Variants in ACSM4 observed in about 807,000 individuals in gnomAD.
The protein encoded by ACSM4 is acyl-CoA synthetase medium chain family member 4.
In ACSM4, 66 loss-of-function variants were observed where a neutral mutation model predicts 73.0. That is an observed-to-expected ratio of 0.90 (90% CI 0.74 to 1.11). The LOEUF is 1.11. Ranked by LOEUF, ACSM4 falls within the 50% of genes least tolerant of loss-of-function variation. ACSM4 has a pLI of 0.00. For missense variants in ACSM4, 645 were observed against 714.4 expected (o/e 0.90, Z 1.11); for synonymous variants, 222 against 254.0 (o/e 0.87, Z 1.20).
chr12:7,317,157 G>C lies in ACSM4; in HGVS notation c.641G>C (p.Ser214Thr), dbSNP rs201963466. Residue 214 changes from serine to threonine, a missense_variant, in exon 4 of 13, where the codon AGC becomes ACC. Ser to Thr is a moderately conservative substitution (Grantham distance 58, BLOSUM62 1). Transcript: ENST00000399422. ...ELFQFASEEH[S>T]CVETGSQEPM... The stretch of plus-strand genomic sequence containing the variant: ...TGCAGATTCGCCTCTGAAGAGCACA[G>C]CTGTGTGGAAACAGGAAGTCAAGAA... 7.8e-5 allele frequency: 126 copies of C among 1,612,924 alleles called. No homozygotes were observed. In the African/African-American group the frequency reaches 1.5e-3, roughly 19 times the overall value.
At chr12:7,325,374 C>T (rs1946496163) in intron 11 of ACSM4, among the ~76,000 whole-genome samples, 1 of 152,138 alleles carries the variant, frequency 6.6e-6, no homozygotes, top group African/African-American at 2.4e-5. Context: ...GGGCTGGGCA[C>T]GGTGGCTCAC....
intron 3 of ACSM4, among the ~76,000 whole-genome samples, chr12:7,314,586 AAGAT>A (rs1382313991): frequency 2.6e-5 from 4 of 151,994 alleles, no homozygotes; most frequent in African/African-American, 7.2e-5. Context: ...AGATAGATGA[AAGAT>A]AGGTAGGTAG....
chr12:7,323,246 G>A lies in ACSM4; in HGVS notation c.1138G>A (p.Ala380Thr). ...YGQTEVGMIC[A>T]NQKGQEIKPG... ...GTCCTCTCAATAGGGAATGATTTGT[G>A]CCAATCAGAAAGGCCAAGAAATTAA... The change falls in exon 8 of 13, where the codon GCC becomes ACC. Residue 380 changes from alanine (A) to threonine (T), a missense_variant. Transcript: ENST00000399422. 1 of 1,608,804 alleles carries A rather than the reference G, an allele frequency of 6.2e-7. No homozygotes were observed. The highest frequency in any genetic ancestry group is 8.5e-7 in the Non-Finnish European group (1 of 1,177,642).
At chr12:7,308,520 T>G (rs915729982) in intron 2 of ACSM4, among the ~76,000 whole-genome samples, 1 of 152,216 alleles carries the variant, frequency 6.6e-6, no homozygotes, top group African/African-American at 2.4e-5. Context: ...CTGAGATATA[T>G]GCTATCTGAA....
chr12:7,320,837 A>G, intron 6 of ACSM4, 33 bp downstream of exon 6: 3 of 1,523,962 alleles, frequency 2.0e-6, no homozygotes, highest in Non-Finnish European at 1.8e-6. Flanking sequence ...TTGAACCACA[A>G]ACAATAGCTA....
chr12:7,310,601 G>A lies in ACSM4; in HGVS notation c.475G>A (p.Ala159Thr), dbSNP rs1591842206. 1.9e-6 allele frequency: 3 copies of A among 1,612,806 alleles called. No individual in the cohort carries two copies. Among genetic ancestry groups the A allele is most frequent in the Non-Finnish European group, 2.5e-6 (3 of 1,179,556 alleles). The stretch of plus-strand genomic sequence containing the variant: ...AAAAGACATCCTCTACCGGCTGCGA[G>A]CATCCAAGGCCAAGTGCATTGTGGC... ...TAKDILYRLRASKAKCIVASE... is the reference protein window; with the variant it reads ...TAKDILYRLRTSKAKCIVASE... Residue 159 changes from alanine (A) to threonine (T), a missense_variant, in exon 3 of 13, where the codon GCA becomes ACA. Transcript: ENST00000399422.
At chr12:7,316,066 A>AAG (rs1946418765) in intron 3 of ACSM4, among the ~76,000 whole-genome samples, 1 of 152,202 alleles carries the variant, frequency 6.6e-6, no homozygotes, top group Non-Finnish European at 1.5e-5. Context: ...CCCAGATTCA[A>AAG]AGAGAGAGGA....
At chr12:7,315,924 T>C (rs1387384264) in intron 3 of ACSM4, among the ~76,000 whole-genome samples, 1 of 152,094 alleles carries the variant, frequency 6.6e-6, no homozygotes, top group Non-Finnish European at 1.5e-5. Context: ...AGTAGGACAG[T>C]CTAAACATCT....
In ACSM4 at chr12:7,309,008, G is replaced by A. The variant is rs80154275; in HGVS notation, c.413-1531G>A. Among the ~76,000 whole-genome samples the A allele has an allele frequency of 0.028, 4,292 of 152,236 alleles. 368 individuals carry two copies. In the East Asian group the frequency reaches 0.32, roughly 11 times the overall value. On this transcript the variant is annotated intron_variant, in intron 2 of 12. Coordinates refer to ENST00000399422, the MANE Select transcript of ACSM4 (RefSeq NM_001080454.2). ...TAATTTTAAGTGAGATACCAGGCAC[G>A]TAATAAGTGCTCAATAAACAGTAGT...
At position 7,310,526 on chromosome 12, in the gene ACSM4, C is replaced by T. The variant is rs113742037; in HGVS notation, c.413-13C>T. ...GCAGTTCTGTTCAGTGCAGGGCCCT[C>T]TGTCCTTCCCAGGGATCATCTTCAT... On this transcript the variant is annotated splice_polypyrimidine_tract_variant and intron_variant, in intron 2 of 12. Transcript: ENST00000399422. 6.1e-3 allele frequency: 9,776 copies of T among 1,595,438 alleles called. 540 individuals carry two copies. The African/African-American group carries it at 0.11, about 19-fold the overall frequency.
chr12:7,308,179 A>G (rs908539237), intron 2 of ACSM4, among the ~76,000 whole-genome samples: 1 of 152,228 alleles, frequency 6.6e-6, no homozygotes, highest in African/African-American at 2.4e-5. Flanking sequence ...ACAGCATTAT[A>G]TAAAATTCGT....
intron 3 of ACSM4, among the ~76,000 whole-genome samples, chr12:7,311,002 C>G (rs1051460431): frequency 1.5e-4 from 23 of 152,066 alleles, no homozygotes; most frequent in African/African-American, 5.5e-4. Flanking sequence ...CCCGTCTCTA[C>G]TAAAAATACA....
chr12:7,306,556 A>G lies in ACSM4; in HGVS notation c.225A>G (p.Pro75=). 2 of 1,598,768 alleles carry G rather than the reference A, an allele frequency of 1.3e-6. No individual in the cohort carries two copies. The highest frequency in any genetic ancestry group is 2.3e-5 in the East Asian group (1 of 44,068). The change falls in exon 2 of 13, where the codon CCA becomes CCG. Residue 75 remains proline, a synonymous_variant. Transcript: ENST00000399422. The part of the protein sequence containing the change: ...KEKTGERPAN[P]ALWWVNGKGD... ...AGACAGGGGAGAGACCAGCTAACCC[A>G]GCCCTGTGGTGGGTGAATGGCAAAG...
chr12:7,311,048 C>G (rs1030685595), intron 3 of ACSM4, among the ~76,000 whole-genome samples: 1 of 151,910 alleles, frequency 6.6e-6, no homozygotes, highest in Non-Finnish European at 1.5e-5. Flanking sequence ...TGCCTGTAAT[C>G]CTAATTACTC....
intron 3 of ACSM4, among the ~76,000 whole-genome samples, chr12:7,312,298 T>C (rs906490541): frequency 3.9e-5 from 6 of 152,214 alleles, no homozygotes; most frequent in African/African-American, 1.4e-4. Context: ...ATAAGTAAAA[T>C]GGGAATAATT....
intron 2 of ACSM4, 28 bp downstream of exon 2, chr12:7,306,771 C>G: frequency 6.4e-7 from 1 of 1,562,970 alleles, no homozygotes; most frequent in South Asian, 1.2e-5. Context: ...CATTCTAAAT[C>G]ACACAAACAC....
chr12:7,306,985 T>C (rs1019941710), intron 2 of ACSM4, among the ~76,000 whole-genome samples: 7 of 152,152 alleles, frequency 4.6e-5, no homozygotes, highest in African/African-American at 1.4e-4. Context: ...CCGGGCGTGG[T>C]GGCTCACGCC....
Position 7,320,788 on chromosome 12 carries a change from CA to C in ACSM4, c.990del (p.Asp331ThrfsTer14). The C allele has an allele frequency of 6.2e-7, 1 of 1,613,134 alleles. No individual in the cohort carries two copies. Among genetic ancestry groups the C allele is most frequent in the South Asian group, 1.1e-5 (1 of 91,036 alleles). On this transcript the variant is annotated frameshift_variant, in exon 6 of 13. Coordinates refer to ENST00000399422, the MANE Select transcript of ACSM4 (RefSeq NM_001080454.2). LOFTEE classifies it high-confidence loss of function. ...TCCCACTGTGTACCGGATGCTCGTGCAAAAAGACCTTAAGAGGTACTTGGGC... is the reference window on the plus strand; with the variant it reads ...TCCCACTGTGTACCGGATGCTCGTGCAAAAGACCTTAAGAGGTACTTGGGC... ...SPPTVYRMLV[Q>X]KDLKRYKFKS...
chr12:7,324,126 A>T, intron 9 of ACSM4, 147 bp from the exon 10 acceptor site: 1 of 941,512 alleles, frequency 1.1e-6, no homozygotes, highest in Non-Finnish European at 1.5e-6. Context: ...TGCAGGCTCC[A>T]GTCTAGGCAA....
Sources: gnomAD v4.1 joint callset for allele counts (sites outside exome capture counted in the v4.1 genomes callset) on GRCh38, gnomAD v4.1.1 for gene constraint, MANE v1.5 for transcripts, NCBI Gene and HGNC (gene_info 2026-07-23, HGNC 2026-07-21) for gene names.